Variants in PCDHGA2 observed in about 807,000 individuals in gnomAD.
The protein encoded by PCDHGA2 is protocadherin gamma subfamily A, 2.
In PCDHGA2, 40 loss-of-function variants were observed where a neutral mutation model predicts 59.2. That is an observed-to-expected ratio of 0.68 (90% CI 0.52 to 0.88). PCDHGA2 has a LOEUF of 0.88. PCDHGA2 is among the 40% of genes least tolerant of loss of function. PCDHGA2 has a pLI of 0.00. For synonymous variants in PCDHGA2, 560 were observed against 526.0 expected, an observed-to-expected ratio of 1.06 and a Z score of -0.89; for missense variants, 1,226 against 1,204.0, an observed-to-expected ratio of 1.02 and a Z score of -0.27.
chr5:141,469,500 G>A (rs1471801110), intron 1 of PCDHGA2, among the ~76,000 whole-genome samples: 4 of 151,914 alleles, frequency 2.6e-5, no homozygotes, highest in South Asian at 2.1e-4. Flanking sequence ...GCTTGAACCC[G>A]GGAGGTGGAG....
intron 1 of PCDHGA2, among the ~76,000 whole-genome samples, chr5:141,386,991 A>G (rs1218503150): frequency 6.6e-6 from 1 of 152,212 alleles, no homozygotes; most frequent in Non-Finnish European, 1.5e-5. Context: ...GAGGCTATGT[A>G]TTATCCCCCT....
At chr5:141,441,890 T>C (rs967557692) in intron 1 of PCDHGA2, 18 of 348,170 alleles carry the variant, frequency 5.2e-5, no homozygotes, top group Non-Finnish European at 7.2e-5. Flanking sequence ...GTCACCAAGG[T>C]GGTGGCTGTA....
chr5:141,409,045 C>T (rs1228603483), intron 1 of PCDHGA2: 1 of 1,613,878 alleles, frequency 6.2e-7, no homozygotes, highest in Non-Finnish European at 8.5e-7. Flanking sequence ...ACTACTACTT[C>T]CGAAGCACTG....
At chr5:141,384,074 T>G in intron 1 of PCDHGA2, 1 of 1,601,488 alleles carries the variant, frequency 6.2e-7, no homozygotes, top group Non-Finnish European at 8.5e-7. Flanking sequence ...AACCTACCTT[T>G]TAAATTAGAA....
chr5:141,444,594 T>C (rs2098442338), intron 1 of PCDHGA2, among the ~76,000 whole-genome samples: 1 of 152,244 alleles, frequency 6.6e-6, no homozygotes, highest in South Asian at 2.1e-4. Flanking sequence ...ACTTACCTTA[T>C]TTAAAATTGA....
chr5:141,483,007 C>G (rs938404755), intron 1 of PCDHGA2, among the ~76,000 whole-genome samples: 1 of 152,140 alleles, frequency 6.6e-6, no homozygotes, highest in South Asian at 2.1e-4. Flanking sequence ...ATTGCTTGAA[C>G]CCGGGAGGCA....
chr5:141,399,610 C>T, intron 1 of PCDHGA2: 1 of 1,613,946 alleles, frequency 6.2e-7, no homozygotes, highest in Non-Finnish European at 8.5e-7. Flanking sequence ...CCTAGAGCCT[C>T]TGGCACTGGC....
At chr5:141,387,435 A>G (rs988959651) in intron 1 of PCDHGA2, among the ~76,000 whole-genome samples, 1 of 152,240 alleles carries the variant, frequency 6.6e-6, no homozygotes, top group African/African-American at 2.4e-5. Flanking sequence ...ATGTTTATGT[A>G]CTTAATCTAC....
At chr5:141,408,856 G>T in intron 1 of PCDHGA2, 1 of 1,613,518 alleles carries the variant, frequency 6.2e-7, no homozygotes, top group Non-Finnish European at 8.5e-7. Flanking sequence ...TGGACGGAGG[G>T]GACCCACCAA....
At position 141,402,030 on chromosome 5, in the gene PCDHGA2, A is replaced by C. The variant is rs188760101; in HGVS notation, c.2424+60635A>C. On this transcript the variant is annotated intron_variant, in intron 1 of 3. Transcript: ENST00000394576. Reference sequence around the variant, plus strand: ...ATATGCATTTGAATCATTGAAACACAGTCTGTGCATGCATTACATATTCAC... The same window carrying C: ...ATATGCATTTGAATCATTGAAACACCGTCTGTGCATGCATTACATATTCAC... Among the ~76,000 whole-genome samples the C allele has an allele frequency of 1.4e-3, 213 of 152,348 alleles. 1 individual carries two copies. The highest frequency in any genetic ancestry group is 4.8e-3 in the African/African-American group (199 of 41,586).
chr5:141,389,784 G>C (rs1380763543), intron 1 of PCDHGA2: 2 of 1,613,318 alleles, frequency 1.2e-6, no homozygotes, highest in South Asian at 2.2e-5. Flanking sequence ...AGGCGACAGG[G>C]ACGCCGTCCG....
chr5:141,366,115 C>T (rs1764340105), intron 1 of PCDHGA2: 1 of 1,614,120 alleles, frequency 6.2e-7, no homozygotes, highest in Non-Finnish European at 8.5e-7. Context: ...TAGCGGTGGA[C>T]AAAGATTCAG....
intron 1 of PCDHGA2, among the ~76,000 whole-genome samples, chr5:141,348,670 G>T (rs1758159347): frequency 1.3e-5 from 2 of 152,042 alleles, no homozygotes; most frequent in Non-Finnish European, 2.9e-5. Flanking sequence ...CACTAAAAAG[G>T]ATTTATTTTT....
intron 1 of PCDHGA2, chr5:141,423,565 C>G: frequency 1.2e-6 from 2 of 1,613,594 alleles, no homozygotes; most frequent in Non-Finnish European, 1.7e-6. Context: ...TGGGGACACG[C>G]TCATCAGCCA....
intron 1 of PCDHGA2, among the ~76,000 whole-genome samples, chr5:141,386,754 C>T (rs1026748961): frequency 9.8e-5 from 15 of 152,302 alleles, no homozygotes; most frequent in Admixed American, 3.3e-4. Flanking sequence ...GGCAGAACTA[C>T]GGTTATAAGG....
chr5:141,350,771 C>G, intron 1 of PCDHGA2: 1 of 1,613,922 alleles, frequency 6.2e-7, no homozygotes, highest in African/African-American at 1.3e-5. Context: ...CACCATCAAC[C>G]CCAATCAATA....
chr5:141,421,614 T>C (rs552534116), intron 1 of PCDHGA2: 3 of 1,613,810 alleles, frequency 1.9e-6, no homozygotes, highest in South Asian at 2.2e-5. Flanking sequence ...ATATTAATGA[T>C]AACGCCCCCA....
At chr5:141,483,291 A>T (rs767446911) in intron 1 of PCDHGA2, among the ~76,000 whole-genome samples, 4 of 152,126 alleles carry the variant, frequency 2.6e-5, no homozygotes, top group African/African-American at 4.8e-5. Flanking sequence ...TGTCAGTCAT[A>T]AGTGAAGGGA....
chr5:141,364,438 G>C (rs766900400), intron 1 of PCDHGA2: 111 of 1,613,704 alleles, frequency 6.9e-5, no homozygotes, highest in Non-Finnish European at 8.6e-5. Context: ...ACTCGATGCC[G>C]GAGGAGCTGG....
Sources: gnomAD v4.1 joint callset for allele counts (sites outside exome capture counted in the v4.1 genomes callset) on GRCh38, gnomAD v4.1.1 for gene constraint, MANE v1.5 for transcripts, NCBI Gene and HGNC (gene_info 2026-07-23, HGNC 2026-07-21) for gene names.